SETD2: variants seen among roughly 807,000 people sequenced by gnomAD.
SETD2 encodes histone-lysine N-methyltransferase SETD2.
A neutral mutation model predicts 242.1 loss-of-function variants in SETD2; 31 were observed. The observed-to-expected ratio is 0.13, with a 90% CI of 0.10 to 0.17. SETD2 has a LOEUF of 0.17. Ranked by LOEUF, SETD2 falls within the 10% of genes least tolerant of loss-of-function variation. SETD2 has a pLI of 1.00. For synonymous variants in SETD2, 1,006 were observed against 1,066.5 expected (o/e 0.94, Z 1.11); for missense variants, 2,481 against 3,046.3 (o/e 0.81, Z 4.37).
At chr3:47,135,515 A>G (rs977398580) in intron 1 of SETD2, among the ~76,000 whole-genome samples, 1 of 152,194 alleles carries the variant, frequency 6.6e-6, no homozygotes, top group African/African-American at 2.4e-5. Context: ...AAGCTCAAAC[A>G]ATCTGTCCGC....
At chr3:47,126,302 A>C (rs1019725052) in intron 2 of SETD2, among the ~76,000 whole-genome samples, 13 of 152,220 alleles carry the variant, frequency 8.5e-5, no homozygotes, top group Admixed American at 7.9e-4. Context: ...GATTACAGGC[A>C]TGAGCCAAAT....
chr3:47,045,379 G>A (rs1354310738), intron 16 of SETD2, among the ~76,000 whole-genome samples: 60 of 152,010 alleles, frequency 3.9e-4, no homozygotes, highest in Admixed American at 3.7e-3. Context: ...TTAGCCAGGC[G>A]TGGTGGCGGG....
In SETD2 at chr3:47,163,995, G is replaced by T; in HGVS notation, c.-71C>A. On this transcript the variant is annotated 5_prime_UTR_variant, in exon 1 of 21. Coordinates refer to ENST00000409792, the MANE Select transcript of SETD2 (RefSeq NM_014159.7). The stretch of plus-strand genomic sequence containing the variant: ...GGCGACGCGGGGGAGGGGAGGGGAG[G>T]AGGCCGCAGGTCCGACCGCGGCGGC... 8.1e-7 allele frequency: 1 copy of T among 1,238,450 alleles called. No individual in the cohort carries two copies. Among genetic ancestry groups the T allele is most frequent in the Non-Finnish European group, 1.0e-6 (1 of 986,090 alleles). The allele number at this position is 1,238,450 out of a possible 1,614,324, so 76.7% of individuals were successfully genotyped here. A position where few individuals can be genotyped will look rare whatever the true frequency, so the allele number is the denominator to read the frequency against.
In SETD2 at chr3:47,122,363, T is replaced by A. The variant is rs2106676530; in HGVS notation, c.2273A>T (p.Asp758Val). 1 of 1,614,160 alleles carries A rather than the reference T, an allele frequency of 6.2e-7. No homozygotes were observed. Among genetic ancestry groups the A allele is most frequent in the Non-Finnish European group, 8.5e-7 (1 of 1,179,978 alleles). ...ETEPLVSPHQ[D>V]KLMSMPVMTV... is the part of the protein sequence containing the mutation. ...CATAACTGGCATAGACATGAGTTTATCTTGGTGTGGTGACACCAGAGGTTC... is the reference window on the plus strand; with the variant it reads ...CATAACTGGCATAGACATGAGTTTAACTTGGTGTGGTGACACCAGAGGTTC... The change falls in exon 3 of 21, where the codon GAT becomes GTT. Residue 758 changes from aspartate to valine, a missense_variant. Coordinates refer to ENST00000409792, the MANE Select transcript of SETD2 (RefSeq NM_014159.7).
At chr3:47,056,279 C>T (rs1271860744) in intron 15 of SETD2, among the ~76,000 whole-genome samples, 2 of 151,620 alleles carry the variant, frequency 1.3e-5, no homozygotes, top group Non-Finnish European at 2.9e-5. Context: ...CATGAGCCAC[C>T]ATGGCCGGCT....
At chr3:47,087,972 C>T in intron 10 of SETD2, 141 bp downstream of exon 10, 2 of 834,800 alleles carry the variant, frequency 2.4e-6, no homozygotes, top group Non-Finnish European at 3.4e-6. Flanking sequence ...TCTAAACAAA[C>T]AAACAAACAA....
At position 47,073,660 on chromosome 3, in the gene SETD2, T is replaced by C. The variant is rs139485961; in HGVS notation, c.6061-6542A>G. ...TCCGAAGAAATGAAAGGTAACAAGA[T>C]CTGTGCAGTTTTCAGCCACTAAGAA... On this transcript the variant is annotated intron_variant, in intron 12 of 20. Coordinates refer to ENST00000409792, the MANE Select transcript of SETD2 (RefSeq NM_014159.7). 2.2e-4 allele frequency among the ~76,000 whole-genome samples: 33 copies of C among 152,282 alleles called. No individual in the cohort carries two copies. In the East Asian group the frequency reaches 5.0e-3, roughly 23 times the overall value.
At chr3:47,103,753 C>CAA (rs1166742540) in intron 6 of SETD2, among the ~76,000 whole-genome samples, 1 of 151,958 alleles carries the variant, frequency 6.6e-6, no homozygotes, top group Non-Finnish European at 1.5e-5. Context: ...CGCACACACA[C>CAA]ACACACTCCC....
At chr3:47,020,171 G>A (rs189501954) in intron 18 of SETD2, among the ~76,000 whole-genome samples, 9 of 152,130 alleles carry the variant, frequency 5.9e-5, no homozygotes, top group Admixed American at 1.3e-4. Flanking sequence ...AAGCAAGGCC[G>A]GCACAAAACA....
intron 12 of SETD2, among the ~76,000 whole-genome samples, chr3:47,071,131 G>A (rs1281505329): frequency 6.6e-6 from 1 of 152,162 alleles, no homozygotes; most frequent in Non-Finnish European, 1.5e-5. Context: ...CACTATGCCT[G>A]GCAGGTTTGA....
At chr3:47,078,736 TTTTG>T (rs2041204601) in intron 12 of SETD2, among the ~76,000 whole-genome samples, 1 of 151,860 alleles carries the variant, frequency 6.6e-6, no homozygotes, top group Non-Finnish European at 1.5e-5. Context: ...TGTTGTTTTG[TTTTG>T]TTTTTTTTTA....
At chr3:47,134,871 A>G (rs1471996893) in intron 1 of SETD2, among the ~76,000 whole-genome samples, 1 of 151,902 alleles carries the variant, frequency 6.6e-6, no homozygotes, top group African/African-American at 2.4e-5. Context: ...TGATCAACCC[A>G]CCTCGGTCTC....
intron 9 of SETD2, among the ~76,000 whole-genome samples, chr3:47,089,446 CA>C (rs914490428): frequency 1.3e-5 from 2 of 151,790 alleles, no homozygotes; most frequent in Admixed American, 1.3e-4. Flanking sequence ...AATCCTGTCT[CA>C]AAAAAAGGCA....
intron 12 of SETD2, among the ~76,000 whole-genome samples, chr3:47,074,261 T>C (rs2040954240): frequency 6.6e-6 from 1 of 152,184 alleles, no homozygotes; most frequent in African/African-American, 2.4e-5. Context: ...GCATAAATTA[T>C]CTCTGGAAAG....
intron 14 of SETD2, among the ~76,000 whole-genome samples, chr3:47,061,954 A>G (rs753685203): frequency 6.6e-6 from 1 of 152,210 alleles, no homozygotes; most frequent in Non-Finnish European, 1.5e-5. Context: ...GCCATTCAAG[A>G]ATCAAAACCT....
At chr3:47,079,162 T>C (rs2041225805) in intron 12 of SETD2, among the ~76,000 whole-genome samples, 1 of 152,194 alleles carries the variant, frequency 6.6e-6, no homozygotes, top group Non-Finnish European at 1.5e-5. Context: ...TCTTGCAGTT[T>C]TTCATTGAGC....
intron 14 of SETD2, among the ~76,000 whole-genome samples, chr3:47,058,295 G>C (rs1033804891): frequency 6.6e-6 from 1 of 151,758 alleles, no homozygotes; most frequent in African/African-American, 2.4e-5. Context: ...AATACAATTA[G>C]CTGGGCCTGG....
At chr3:47,093,592 T>C (rs759095243) in intron 9 of SETD2, among the ~76,000 whole-genome samples, 3 of 152,114 alleles carry the variant, frequency 2.0e-5, no homozygotes, top group African/African-American at 7.2e-5. Context: ...CCCATTCTTA[T>C]GTTAATAAAT....
intron 1 of SETD2, chr3:47,157,455 T>C (rs1221440255): frequency 6.6e-6 from 3 of 455,934 alleles, no homozygotes; most frequent in African/African-American, 6.0e-5. Flanking sequence ...TGTATCTCAT[T>C]TGAACATGCT....
Sources: gnomAD v4.1 joint callset for allele counts (sites outside exome capture counted in the v4.1 genomes callset) on GRCh38, gnomAD v4.1.1 for gene constraint, MANE v1.5 for transcripts, NCBI Gene and HGNC (gene_info 2026-07-23, HGNC 2026-07-21) for gene names.